Variants in ESYT3 observed in about 807,000 individuals in gnomAD.
ESYT3 encodes the protein extended synaptotagmin-3.
In ESYT3, 101 loss-of-function variants were observed where a neutral mutation model predicts 111.5. That is an observed-to-expected ratio of 0.91 (90% CI 0.77 to 1.07). The LOEUF (loss-of-function observed/expected upper bound fraction) is 1.07, where lower values mean the gene tolerates loss of function less well. Ranked by LOEUF, ESYT3 falls within the 50% of genes least tolerant of loss-of-function variation. The pLI, the probability that ESYT3 is intolerant of heterozygous loss-of-function variation, is 0.00. For missense variants in ESYT3, 1,097 were observed against 1,109.4 expected (o/e 0.99, Z 0.16); for synonymous variants, 416 against 446.8 (o/e 0.93, Z 0.87).
At position 138,473,623 on chromosome 3, in the gene ESYT3, C is replaced by T; in HGVS notation, c.2325C>T (p.Ile775=). 1 of 1,613,466 alleles carries T rather than the reference C, an allele frequency of 6.2e-7. No homozygotes were observed. Among genetic ancestry groups the T allele is most frequent in the Non-Finnish European group, 8.5e-7 (1 of 1,179,620 alleles). The change falls in exon 19 of 23, where the codon ATC becomes ATT. Residue 775 remains isoleucine, a synonymous_variant. Coordinates refer to ENST00000389567, the MANE Select transcript of ESYT3 (RefSeq NM_031913.5). ...TGCGGCGCTGCCTCAGCGTGCTAAT[C>T]AATGGCTGCAGGTAAAGGGATTCTA... ...VCLRRCLSVL[I]NGCRNLTPCT... is the part of the protein sequence containing the mutation.
chr3:138,473,066 C>CTT, intron 18 of ESYT3: 1 of 1,423,146 alleles, frequency 7.0e-7, no homozygotes, highest in Non-Finnish European at 9.1e-7. Flanking sequence ...TGCGTACTGA[C>CTT]TATAAAATAG....
rs2033584497 is a variant in ESYT3 at position 138,478,437 on chromosome 3, T to C, written c.*1583T>C. 1 of 152,190 alleles carries C rather than the reference T, an allele frequency of 6.6e-6. No homozygotes were observed. The highest frequency in any genetic ancestry group is 2.1e-4 in the South Asian group (1 of 4,826). 9.4% of individuals were successfully genotyped at this position (152,190 alleles called of 1,614,324 possible). On this transcript the variant is annotated 3_prime_UTR_variant, in exon 23 of 23. Transcript: ENST00000389567. ...CTACCCTGTCTACCTTATGATGGCATTCTAATTGCCCCCTAAATAGACAAG... is the reference window on the plus strand; with the variant it reads ...CTACCCTGTCTACCTTATGATGGCACTCTAATTGCCCCCTAAATAGACAAG...
rs1042750094 is a variant in ESYT3, at chr3:138,435,656, C to CGGCGCCG, written c.327+535_327+541dup. ...GTGGCGGGTACGGCTGGGAGACCGACGGCGCCGGGCCCCGGGCCTCCTTCC... is the reference window on the plus strand; with the variant it reads ...GTGGCGGGTACGGCTGGGAGACCGACGGCGCCGGGCGCCGGGCCCCGGGCCTCCTTCC... On this transcript the variant is annotated intron_variant, in intron 1 of 22. Transcript: ENST00000389567. This position sits in a 1 kb window ranked among gnomAD's most constrained non-coding sequence, Gnocchi z 4.8. Among the ~76,000 whole-genome samples, 1 of 151,198 alleles carries CGGCGCCG rather than the reference C, an allele frequency of 6.6e-6. No homozygotes were observed. Among genetic ancestry groups the CGGCGCCG allele is most frequent in the Non-Finnish European group, 1.5e-5 (1 of 67,732 alleles).
chr3:138,435,573 G>T lies in ESYT3; in HGVS notation c.327+448G>T, dbSNP rs1291828832. Among the ~76,000 whole-genome samples the T allele has an allele frequency of 6.6e-6, 1 of 152,192 alleles. No individual in the cohort carries two copies. Among genetic ancestry groups the T allele is most frequent in the Non-Finnish European group, 1.5e-5 (1 of 68,018 alleles). ...AGTGACAGAAACGGCGGGCCCAGTT[G>T]CTTTCGGCCGAGGCCTGGACTGCGG... is the stretch of plus-strand genomic sequence containing the variant. On this transcript the variant is annotated intron_variant, in intron 1 of 22. Coordinates refer to ENST00000389567, the MANE Select transcript of ESYT3 (RefSeq NM_031913.5). This position sits in a 1 kb window ranked among gnomAD's most constrained non-coding sequence, Gnocchi z 4.8.
In ESYT3 at chr3:138,472,984, A is replaced by T. The variant is rs1017860022; in HGVS notation, c.2237+125A>T. 3.3e-6 allele frequency: 5 copies of T among 1,509,856 alleles called. No homozygotes were observed. The African/African-American group carries it at 7.0e-5, about 21-fold the overall frequency. The allele number at this position is 1,509,856 out of a possible 1,614,324, so 93.5% of individuals were successfully genotyped here. A position where few individuals can be genotyped will look rare whatever the true frequency, so the allele number is the denominator to read the frequency against. ...TTTTTTCACAAAATATCTTCCTAAGAGGCAGCATGGTGTGGTAGAAAGAAC... is the reference window on the plus strand; with the variant it reads ...TTTTTTCACAAAATATCTTCCTAAGTGGCAGCATGGTGTGGTAGAAAGAAC... On this transcript the variant is annotated intron_variant, in intron 18 of 22. Coordinates refer to ENST00000389567, the MANE Select transcript of ESYT3 (RefSeq NM_031913.5).
At chr3:138,461,568 G>A (rs535050922) in intron 7 of ESYT3, among the ~76,000 whole-genome samples, 165 of 152,310 alleles carry the variant, frequency 1.1e-3, no homozygotes, top group African/African-American at 3.8e-3. Context: ...AGGGAATCCA[G>A]GCATGCATTC....
Position 138,435,093 on chromosome 3 carries a change from C to G in ESYT3, c.295C>G (p.Arg99Gly). Residue 99 changes from arginine (R) to glycine (G), a missense_variant, in exon 1 of 23, where the codon CGC becomes GGC. By Grantham distance (125) the Arg-to-Gly change is moderately radical. Transcript: ENST00000389567. The surrounding 1 kb of genome is among the most constrained non-coding windows in gnomAD (Gnocchi z 4.8). ...TGACAATGAACGCGAGTTCATCAGC[C>G]GCGAGCTGCGGGGCCAGCACCTGCC... ...FLDNEREFISRELRGQHLPAW... is the reference protein window; with the variant it reads ...FLDNEREFISGELRGQHLPAW... The G allele has an allele frequency of 6.3e-7, 1 of 1,589,756 alleles. No homozygotes were observed. The highest frequency in any genetic ancestry group is 8.5e-7 in the Non-Finnish European group (1 of 1,170,668).
intron 19 of ESYT3, 126 bp from the exon 20 acceptor site, chr3:138,474,095 C>A: frequency 7.9e-7 from 1 of 1,257,976 alleles, no homozygotes; most frequent in Non-Finnish European, 1.1e-6. Context: ...TGCTGAATGG[C>A]TAATATAGCC....
chr3:138,434,830 C>T lies in ESYT3; in HGVS notation c.32C>T (p.Ala11Val), dbSNP rs955802275. Residue 11 changes from alanine to valine, a missense_variant, in exon 1 of 23, where the codon GCC becomes GTC. Transcript: ENST00000389567. MRAEEPCAPG[A>V]PSALGAQRTP... ...GCAGAGGAGCCCTGCGCCCCCGGGG[C>T]CCCCAGCGCCCTGGGAGCCCAGCGC... 1.9e-6 allele frequency: 3 copies of T among 1,555,462 alleles called. No homozygotes were observed. The highest frequency in any genetic ancestry group is 1.9e-5 in the Admixed American group (1 of 52,350).
At chr3:138,441,610 G>C (rs1392826022) in intron 1 of ESYT3, among the ~76,000 whole-genome samples, 1 of 152,142 alleles carries the variant, frequency 6.6e-6, no homozygotes, top group Admixed American at 6.5e-5. Flanking sequence ...GCTGAGACCT[G>C]GCCTGCCTTG....
intron 1 of ESYT3, among the ~76,000 whole-genome samples, chr3:138,439,191 T>C (rs1388838762): frequency 6.6e-6 from 1 of 152,202 alleles, no homozygotes; most frequent in Non-Finnish European, 1.5e-5. Flanking sequence ...GAATGCCCAG[T>C]GGGGGCTGTC....
intron 16 of ESYT3, 65 bp downstream of exon 16, chr3:138,470,211 C>A: frequency 6.4e-7 from 1 of 1,557,998 alleles, no homozygotes; most frequent in Non-Finnish European, 8.7e-7. Context: ...GGCTGGGAAG[C>A]TTGAAGTGCA....
chr3:138,471,693 A>C (rs1277825611), intron 17 of ESYT3, among the ~76,000 whole-genome samples: 1 of 152,154 alleles, frequency 6.6e-6, no homozygotes. Context: ...TATGACCTGG[A>C]TCGAGGTTGT....
chr3:138,442,871 C>T (rs2031259086), intron 1 of ESYT3, among the ~76,000 whole-genome samples: 1 of 152,182 alleles, frequency 6.6e-6, no homozygotes, highest in Admixed American at 6.5e-5. Flanking sequence ...TTTAAAGACA[C>T]TTTTGCCCAT....
intron 6 of ESYT3, 146 bp from the exon 7 acceptor site, chr3:138,460,465 A>C (rs2032565014): frequency 3.5e-6 from 3 of 859,204 alleles, no homozygotes; most frequent in Non-Finnish European, 5.7e-6. Context: ...ACACCCTGGC[A>C]GAGGGTGCTC....
intron 21 of ESYT3, 44 bp downstream of exon 21, chr3:138,476,372 A>G (rs762775769): frequency 1.9e-6 from 3 of 1,601,624 alleles, no homozygotes; most frequent in Non-Finnish European, 2.6e-6. Context: ...ATTATGATCA[A>G]TTCGCCTTAT....
chr3:138,476,434 ATTAT>A lies in ESYT3; in HGVS notation c.2575-5_2575-2del. 1.2e-6 allele frequency: 2 copies of A among 1,613,696 alleles called. No individual in the cohort carries two copies. Among genetic ancestry groups the A allele is most frequent in the Non-Finnish European group, 1.7e-6 (2 of 1,179,710 alleles). ...TTTGGAGGGGAACTAATTATTTGTG[ATTAT>A]TTAGGTACTGATTGACTTATCAAAA... On this transcript the variant is annotated splice_polypyrimidine_tract_variant and splice_region_variant and intron_variant, in intron 21 of 22. Transcript: ENST00000389567.
At chr3:138,470,854 T>C (rs1233662591) in intron 16 of ESYT3, 23 bp from the exon 17 acceptor site, 1 of 1,613,886 alleles carries the variant, frequency 6.2e-7, no homozygotes, top group South Asian at 1.1e-5. Flanking sequence ...ATCCTCTTGT[T>C]TTGTGACTGG....
chr3:138,439,110 G>A (rs1421927879), intron 1 of ESYT3, among the ~76,000 whole-genome samples: 1 of 152,206 alleles, frequency 6.6e-6, no homozygotes, highest in East Asian at 1.9e-4. Context: ...AGCCACAAAA[G>A]CTTTGTTGCC....
Sources: allele counts gnomAD v4.1 joint callset (sites outside exome capture counted in the v4.1 genomes callset), GRCh38; gene constraint gnomAD v4.1.1; non-coding constraint Gnocchi (gnomAD v3.1); transcripts MANE v1.5; gene names NCBI Gene and HGNC (gene_info 2026-07-23, HGNC 2026-07-21).